N4BP2: variants seen among roughly 807,000 people sequenced by gnomAD.
N4BP2 encodes NEDD4-binding protein 2.
In N4BP2, 91 loss-of-function variants were observed where a neutral mutation model predicts 152.8. The ratio of observed to expected loss-of-function variants is 0.60; its 90% CI spans 0.50 to 0.71. The LOEUF is 0.71. Ranked by LOEUF, N4BP2 falls within the 30% of genes least tolerant of loss-of-function variation. The probability of loss-of-function intolerance (pLI) is 0.00; values close to 1 mark genes in which losing one functional copy is unlikely to be tolerated. For synonymous variants in N4BP2, 646 were observed against 705.3 expected (o/e 0.92, Z 1.33); for missense variants, 1,923 against 2,059.1 (o/e 0.93, Z 1.28).
chr4:40,148,128 G>A (rs987206537), intron 16 of N4BP2, among the ~76,000 whole-genome samples: 4 of 152,182 alleles, frequency 2.6e-5, no homozygotes, highest in Admixed American at 6.5e-5. Flanking sequence ...GTAGCGAGCC[G>A]AGATCACGCC....
chr4:40,100,650 G>A (rs952441827), intron 3 of N4BP2, among the ~76,000 whole-genome samples: 2 of 152,136 alleles, frequency 1.3e-5, no homozygotes, highest in Non-Finnish European at 2.9e-5. Context: ...AGGATTATAG[G>A]CATGAGCTGC....
At chr4:40,134,141 G>A (rs1478947986) in intron 13 of N4BP2, among the ~76,000 whole-genome samples, 4 of 152,156 alleles carry the variant, frequency 2.6e-5, no homozygotes, top group Non-Finnish European at 5.9e-5. Flanking sequence ...ATTCTCTGCT[G>A]AGTGTGCAGA....
At position 40,144,709 on chromosome 4, in the gene N4BP2, G is replaced by C; in HGVS notation, c.5052G>C (p.Ser1684=). 6.2e-7 allele frequency: 1 copy of C among 1,614,036 alleles called. No individual in the cohort carries two copies. Among genetic ancestry groups the C allele is most frequent in the Non-Finnish European group, 8.5e-7 (1 of 1,179,974 alleles). ...AIEIFEKVNA[S]LLPQNVLDLH... is the part of the protein sequence containing the mutation. The stretch of plus-strand genomic sequence containing the variant: ...AGATCTTTGAGAAAGTCAATGCTTC[G>C]CTGCTGCCACAGAATGTTTTAGACC... The change falls in exon 16 of 18, where the codon TCG becomes TCC. Residue 1684 remains serine (S), a synonymous_variant. Coordinates refer to ENST00000261435, the MANE Select transcript of N4BP2 (RefSeq NM_018177.6).
At chr4:40,167,063 T>C in the N4BP2 span, 15 of 152,368 alleles carry the variant, frequency 9.8e-5, no homozygotes, top group African/African-American at 3.6e-4. Flanking sequence ...TATTTTAATA[T>C]GTTTCTCTTT....
In N4BP2 at chr4:40,084,241, G is replaced by A. The variant is rs191265484; in HGVS notation, c.-115+10690G>A. On this transcript the variant is annotated intron_variant, in intron 2 of 17. Coordinates refer to ENST00000261435, the MANE Select transcript of N4BP2 (RefSeq NM_018177.6). ...ACTGGGATTACAGGCGTGAGCCACC[G>A]CACCCAGCTTATTTTGAATTTACAA... Among the ~76,000 whole-genome samples, 68 of 152,228 alleles carry A rather than the reference G, an allele frequency of 4.5e-4. No homozygotes were observed. The East Asian group carries it at 0.011, about 24-fold the overall frequency.
At chr4:40,119,286 G>A (rs576999856) in intron 8 of N4BP2, among the ~76,000 whole-genome samples, 36 of 152,166 alleles carry the variant, frequency 2.4e-4, no homozygotes, top group Middle Eastern at 3.4e-3. Flanking sequence ...CGAGAGTTGG[G>A]ACTTCGAGCA....
chr4:40,182,866 G>C, the N4BP2 span, among the ~76,000 whole-genome samples: 3 of 151,970 alleles, frequency 2.0e-5, no homozygotes, highest in Non-Finnish European at 4.4e-5. Context: ...TAGTAGAGAC[G>C]GGGTTTCACC....
intron 2 of N4BP2, among the ~76,000 whole-genome samples, chr4:40,087,088 T>C (rs1277079560): frequency 3.3e-5 from 5 of 152,168 alleles, no homozygotes; most frequent in African/African-American, 7.2e-5. Flanking sequence ...TATAATTCCA[T>C]GTGCACTTGA....
intron 1 of N4BP2, among the ~76,000 whole-genome samples, chr4:40,065,756 A>C (rs1733990452): frequency 6.6e-6 from 1 of 152,016 alleles, no homozygotes; most frequent in Non-Finnish European, 1.5e-5. Flanking sequence ...AGGGATTTGA[A>C]TTTTTTAGCA....
rs567082208 is a variant in N4BP2, at chr4:40,103,455, A to G, written c.1373+237A>G. On this transcript the variant is annotated intron_variant, in intron 4 of 17. Coordinates refer to ENST00000261435, the MANE Select transcript of N4BP2 (RefSeq NM_018177.6). ...AAGACAGAAGAAAAAATTAAAGACA[A>G]TTTCAAAATTGTGAGCTATTGATGT... Among the ~76,000 whole-genome samples, 6 of 152,326 alleles carry G rather than the reference A, an allele frequency of 3.9e-5. No individual in the cohort carries two copies. The South Asian group carries it at 1.2e-3, about 32-fold the overall frequency.
At chr4:40,078,427 G>A (rs972296160) in intron 2 of N4BP2, among the ~76,000 whole-genome samples, 1 of 150,818 alleles carries the variant, frequency 6.6e-6, no homozygotes, top group South Asian at 2.1e-4. Flanking sequence ...GTGAGCCACC[G>A]TGTCTAGCCC....
the N4BP2 span, among the ~76,000 whole-genome samples, chr4:40,168,740 T>C: frequency 2.0e-5 from 3 of 152,034 alleles, no homozygotes; most frequent in Non-Finnish European, 4.4e-5. Flanking sequence ...TCTTTTTTTT[T>C]TGAGATGGAG....
chr4:40,087,595 C>T (rs2109931940), intron 2 of N4BP2, among the ~76,000 whole-genome samples: 1 of 152,054 alleles, frequency 6.6e-6, no homozygotes, highest in East Asian at 1.9e-4. Context: ...GAACTCTGGC[C>T]TCAAATGATC....
chr4:40,095,001 C>T (rs1370231148), intron 2 of N4BP2, among the ~76,000 whole-genome samples: 1 of 152,104 alleles, frequency 6.6e-6, no homozygotes, highest in African/African-American at 2.4e-5. Flanking sequence ...TGGTCTCAAA[C>T]TCCTCACCTT....
chr4:40,143,216 T>A (rs916643973), intron 15 of N4BP2, among the ~76,000 whole-genome samples: 2 of 152,244 alleles, frequency 1.3e-5, no homozygotes, highest in Admixed American at 1.3e-4. Flanking sequence ...TTTGGTAATA[T>A]ATCACTTTCA....
At chr4:40,147,343 C>G (rs1431974986) in intron 16 of N4BP2, among the ~76,000 whole-genome samples, 7 of 152,270 alleles carry the variant, frequency 4.6e-5, no homozygotes. Context: ...CATCCGATTT[C>G]TCAATCTTTT....
intron 1 of N4BP2, among the ~76,000 whole-genome samples, 190 bp from the exon 2 acceptor site, chr4:40,073,265 A>G (rs1279268731): frequency 6.6e-6 from 1 of 152,176 alleles, no homozygotes; most frequent in Non-Finnish European, 1.5e-5. Flanking sequence ...TCTTTTATAC[A>G]GACTTTTTCA....
intron 2 of N4BP2, among the ~76,000 whole-genome samples, chr4:40,096,192 G>GTAAATACAA (rs1389417743): frequency 1.3e-5 from 2 of 152,114 alleles, no homozygotes; most frequent in African/African-American, 4.8e-5. Context: ...AATATGGGTG[G>GTAAATACAA]TAAATACAAT....
chr4:40,154,884 T>C lies in N4BP2; in HGVS notation c.*647T>C, dbSNP rs1308987641. On this transcript the variant is annotated 3_prime_UTR_variant, in exon 18 of 18. Coordinates refer to ENST00000261435, the MANE Select transcript of N4BP2 (RefSeq NM_018177.6). Reference sequence around the variant, plus strand: ...AAAGAAAGTTGGGTCTGAGATTATATTGTAATTTTATACTTTCTATAGACA... The same window carrying C: ...AAAGAAAGTTGGGTCTGAGATTATACTGTAATTTTATACTTTCTATAGACA... 1 of 152,254 alleles carries C rather than the reference T, an allele frequency of 6.6e-6. No individual in the cohort carries two copies. The highest frequency in any genetic ancestry group is 2.4e-5 in the African/African-American group (1 of 41,454). The allele number at this position is 152,254 out of a possible 1,614,324, so 9.4% of individuals were successfully genotyped here.
Sources: allele counts gnomAD v4.1 joint callset (sites outside exome capture counted in the v4.1 genomes callset), GRCh38; gene constraint gnomAD v4.1.1; transcripts MANE v1.5; gene names NCBI Gene and HGNC (gene_info 2026-07-23, HGNC 2026-07-21).